Variants in JAKMIP2 observed in about 807,000 individuals in gnomAD.
The protein encoded by JAKMIP2 is janus kinase and microtubule-interacting protein 2.
JAKMIP2 carries 25 observed loss-of-function variants against 115.0 expected under a neutral mutation model. The observed-to-expected ratio is 0.22, with a 90% CI of 0.16 to 0.30. The LOEUF (loss-of-function observed/expected upper bound fraction) is 0.30, where lower values mean the gene tolerates loss of function less well. Among genes scored for constraint, JAKMIP2 ranks in the 10% least tolerant of loss-of-function variants. The probability of loss-of-function intolerance (pLI) is 1.00; values close to 1 mark genes in which losing one functional copy is unlikely to be tolerated. For synonymous variants in JAKMIP2, 334 were observed against 343.6 expected, an observed-to-expected ratio of 0.97 and a Z score of 0.31; for missense variants, 642 against 957.6, an observed-to-expected ratio of 0.67 and a Z score of 4.35.
At chr5:147,594,836 T>G (rs1190818481) in intron 21 of JAKMIP2, among the ~76,000 whole-genome samples, 1 of 152,124 alleles carries the variant, frequency 6.6e-6, no homozygotes, top group African/African-American at 2.4e-5. Context: ...ACAATACAGA[T>G]GAGTACACTG....
intron 1 of JAKMIP2, among the ~76,000 whole-genome samples, chr5:147,683,238 CCAGCA>C (rs1192451740): frequency 6.6e-6 from 1 of 152,128 alleles, no homozygotes; most frequent in Non-Finnish European, 1.5e-5. Context: ...GCCTGTAATC[CCAGCA>C]CTTTGGGAGG....
At chr5:147,663,091 G>T (rs1045381074) in intron 2 of JAKMIP2, among the ~76,000 whole-genome samples, 1 of 152,090 alleles carries the variant, frequency 6.6e-6, no homozygotes, top group African/African-American at 2.4e-5. Context: ...AAAATTGGAA[G>T]GTTTTACAAA....
intron 1 of JAKMIP2, among the ~76,000 whole-genome samples, chr5:147,722,750 C>T (rs1753364684): frequency 1.3e-5 from 2 of 152,250 alleles, no homozygotes; most frequent in East Asian, 1.9e-4. Context: ...TTCGATGAAA[C>T]AAGACTACCT....
intron 10 of JAKMIP2, among the ~76,000 whole-genome samples, chr5:147,638,641 T>A (rs1217675326): frequency 6.6e-6 from 1 of 151,772 alleles, no homozygotes; most frequent in African/African-American, 2.4e-5. Flanking sequence ...TCTACAAAAC[T>A]CCTCAGTGCA....
chr5:147,657,420 T>C (rs1758735225), intron 3 of JAKMIP2, among the ~76,000 whole-genome samples: 1 of 152,236 alleles, frequency 6.6e-6, no homozygotes, highest in African/African-American at 2.4e-5. Flanking sequence ...CCTTTCTCTC[T>C]GGTTACCCTT....
chr5:147,628,880 T>C (rs932076288), intron 15 of JAKMIP2, 64 bp from the exon 16 acceptor site: 30 of 1,184,258 alleles, frequency 2.5e-5, no homozygotes, highest in Non-Finnish European at 2.6e-5. Flanking sequence ...AAGAAAATAC[T>C]GTCTGACTGA....
At chr5:147,606,201 T>G (rs1756004200) in intron 20 of JAKMIP2, among the ~76,000 whole-genome samples, 1 of 147,416 alleles carries the variant, frequency 6.8e-6, no homozygotes, top group African/African-American at 2.5e-5. Context: ...ATCCTATTTG[T>G]CAATTTTGGA....
At chr5:147,690,773 G>A (rs1226266320) in intron 1 of JAKMIP2, among the ~76,000 whole-genome samples, 2 of 151,872 alleles carry the variant, frequency 1.3e-5, no homozygotes, top group Non-Finnish European at 2.9e-5. Context: ...CTTCTCCAGT[G>A]CTTCGTGGCT....
At chr5:147,722,909 A>T (rs1753371637) in intron 1 of JAKMIP2, among the ~76,000 whole-genome samples, 1 of 152,068 alleles carries the variant, frequency 6.6e-6, no homozygotes, top group South Asian at 2.1e-4. Flanking sequence ...TGGTTATTGC[A>T]GGAGAGAATA....
chr5:147,588,955 C>T lies in JAKMIP2; in HGVS notation c.*2752G>A, dbSNP rs1754993535. 6.6e-6 allele frequency: 1 copy of T among 152,034 alleles called. No individual in the cohort carries two copies. The highest frequency in any genetic ancestry group is 2.1e-4 in the South Asian group (1 of 4,810). The allele number at this position is 152,034 out of a possible 1,614,324, so 9.4% of individuals were successfully genotyped here. ...GGAGCAGACGGAATATAGATTTACT[C>T]ATATGGGCCCTGCAACAGAAAGTGA... On this transcript the variant is annotated 3_prime_UTR_variant, in exon 22 of 22. Coordinates refer to ENST00000616793, the MANE Select transcript of JAKMIP2 (RefSeq NM_001270941.2).
At chr5:147,595,304 C>T (rs1755312200) in intron 21 of JAKMIP2, 2 of 345,696 alleles carry the variant, frequency 5.8e-6, no homozygotes, top group Middle Eastern at 5.0e-4. Flanking sequence ...ACAGGTGAGG[C>T]TTTTAGGAGG....
At chr5:147,621,809 A>C (rs1756861155) in intron 17 of JAKMIP2, among the ~76,000 whole-genome samples, 1 of 152,330 alleles carries the variant, frequency 6.6e-6, no homozygotes, top group Non-Finnish European at 1.5e-5. Flanking sequence ...CCCTCATCCA[A>C]TAGGAATCCA....
chr5:147,624,237 G>A (rs1036863660), intron 16 of JAKMIP2, among the ~76,000 whole-genome samples: 3 of 152,182 alleles, frequency 2.0e-5, no homozygotes, highest in African/African-American at 7.2e-5. Context: ...AGTGTCAGGT[G>A]CTGTACCAGG....
chr5:147,697,216 C>T (rs1283706573), intron 1 of JAKMIP2, among the ~76,000 whole-genome samples: 1 of 152,050 alleles, frequency 6.6e-6, no homozygotes, highest in Admixed American at 6.5e-5. Context: ...AGGTGAAAGG[C>T]ACTTCTTACA....
At chr5:147,596,740 C>A (rs1214658308) in intron 21 of JAKMIP2, among the ~76,000 whole-genome samples, 1 of 152,122 alleles carries the variant, frequency 6.6e-6, no homozygotes, top group Non-Finnish European at 1.5e-5. Flanking sequence ...AATAGGGAAA[C>A]AATTTATATA....
chr5:147,702,714 AGC>A (rs1752424514), intron 1 of JAKMIP2, among the ~76,000 whole-genome samples: 1 of 151,890 alleles, frequency 6.6e-6, no homozygotes, highest in African/African-American at 2.4e-5. Context: ...AAAAAAAAAG[AGC>A]AGAAGCCAAG....
chr5:147,662,263 T>C (rs1759038646), intron 2 of JAKMIP2, among the ~76,000 whole-genome samples: 1 of 152,030 alleles, frequency 6.6e-6, no homozygotes, highest in South Asian at 2.1e-4. Flanking sequence ...GTGACCATTG[T>C]TATTTCTGAA....
chr5:147,654,325 A>G lies in JAKMIP2; in HGVS notation c.628-3778T>C, dbSNP rs182462751. Among the ~76,000 whole-genome samples, 266 of 151,882 alleles carry G rather than the reference A, an allele frequency of 1.8e-3. 2 individuals are homozygous for G. Among genetic ancestry groups the G allele is most frequent in the African/African-American group, 6.1e-3 (253 of 41,410 alleles). ...TGTCAGTATGGACATTTTCATGATG[A>G]TGATTCTTCCTATCCATGAGGATGG... On this transcript the variant is annotated intron_variant, in intron 3 of 21. Transcript: ENST00000616793.
At chr5:147,609,750 G>GGATAATTTCCT (rs1359356533) in intron 20 of JAKMIP2, among the ~76,000 whole-genome samples, 1 of 152,078 alleles carries the variant, frequency 6.6e-6, no homozygotes, top group Non-Finnish European at 1.5e-5. Flanking sequence ...AAGTTCTCCC[G>GGATAATTTCCT]GATAATTTCC....
Sources: gnomAD v4.1 joint callset for allele counts (sites outside exome capture counted in the v4.1 genomes callset) on GRCh38, gnomAD v4.1.1 for gene constraint, MANE v1.5 for transcripts, NCBI Gene and HGNC (gene_info 2026-07-23, HGNC 2026-07-21) for gene names.